Variants in GABRG3 observed in about 807,000 individuals in gnomAD.
The protein encoded by GABRG3 is gamma-aminobutyric acid type A receptor subunit gamma3.
In GABRG3, 25 loss-of-function variants were observed where a neutral mutation model predicts 48.8. The ratio of observed to expected loss-of-function variants is 0.51; its 90% CI spans 0.37 to 0.72. The LOEUF (loss-of-function observed/expected upper bound fraction) is 0.72, where lower values mean the gene tolerates loss of function less well. GABRG3 is among the 30% of genes least tolerant of loss of function. The probability of loss-of-function intolerance (pLI) is 0.00; values close to 1 mark genes in which losing one functional copy is unlikely to be tolerated. For missense variants in GABRG3, 394 were observed against 577.9 expected (o/e 0.68, Z 3.26); for synonymous variants, 227 against 217.6 (o/e 1.04, Z -0.38).
At position 27,328,104 on chromosome 15, in the gene GABRG3, AAAAC is replaced by A. The variant is rs1192355532; in HGVS notation, c.492-690_492-687del. ...TGCCAGGGAGGGAACAATTACAGCAAAAACAAACAAACAAAAAAAAAAACCAAAA... is the reference window on the plus strand; with the variant it reads ...TGCCAGGGAGGGAACAATTACAGCAAAAACAAACAAAAAAAAAAACCAAAA... On this transcript the variant is annotated intron_variant, in intron 4 of 9. Coordinates refer to ENST00000615808, the MANE Select transcript of GABRG3 (RefSeq NM_033223.5). Among the ~76,000 whole-genome samples, 28 of 150,066 alleles carry A rather than the reference AAAAC, an allele frequency of 1.9e-4. No homozygotes were observed. The East Asian group carries it at 4.7e-3, about 25-fold the overall frequency.
intron 5 of GABRG3, among the ~76,000 whole-genome samples, chr15:27,346,690 A>G (rs964438573): frequency 4.6e-5 from 7 of 151,636 alleles, no homozygotes; most frequent in African/African-American, 7.3e-5. Flanking sequence ...TTTATGCTCA[A>G]TGTTCTTTCC....
intron 3 of GABRG3, among the ~76,000 whole-genome samples, chr15:27,291,470 C>T (rs1308223095): frequency 6.6e-6 from 1 of 152,132 alleles, no homozygotes. Flanking sequence ...TATAATCATT[C>T]CCATCTATGA....
At chr15:27,064,342 C>T (rs890791699) in intron 3 of GABRG3, among the ~76,000 whole-genome samples, 3 of 152,150 alleles carry the variant, frequency 2.0e-5, no homozygotes, top group Admixed American at 6.5e-5. Context: ...CCTCCAGGCC[C>T]GGCGGTAAGG....
chr15:27,202,707 C>T (rs980951968), intron 3 of GABRG3, among the ~76,000 whole-genome samples: 3 of 152,072 alleles, frequency 2.0e-5, no homozygotes, highest in Admixed American at 2.0e-4. Flanking sequence ...GTTCATCTTT[C>T]GTGAATTGCC....
At chr15:26,994,319 G>T (rs1895301202) in intron 2 of GABRG3, among the ~76,000 whole-genome samples, 1 of 151,354 alleles carries the variant, frequency 6.6e-6, no homozygotes, top group South Asian at 2.1e-4. Context: ...GTTTTCTCTG[G>T]TGGTTTGCTT....
At chr15:27,308,864 GT>G (rs1325067343) in intron 3 of GABRG3, among the ~76,000 whole-genome samples, 50 of 150,108 alleles carry the variant, frequency 3.3e-4, no homozygotes, top group Admixed American at 2.0e-3. Context: ...AAACATATAT[GT>G]TTTTATAAAA....
At chr15:27,025,008 A>G (rs1219990958) in intron 2 of GABRG3, among the ~76,000 whole-genome samples, 1 of 146,164 alleles carries the variant, frequency 6.8e-6, no homozygotes, top group Non-Finnish European at 1.5e-5. Flanking sequence ...ATGGGAGACA[A>G]AGCAAGACCC....
At chr15:27,108,728 TC>T (rs1897493595) in intron 3 of GABRG3, among the ~76,000 whole-genome samples, 1 of 152,218 alleles carries the variant, frequency 6.6e-6, no homozygotes, top group Non-Finnish European at 1.5e-5. Flanking sequence ...TATCAGTTTT[TC>T]CTTCATTTAT....
At chr15:27,296,912 C>T (rs950172488) in intron 3 of GABRG3, among the ~76,000 whole-genome samples, 9 of 150,482 alleles carry the variant, frequency 6.0e-5, no homozygotes, top group African/African-American at 1.7e-4. Flanking sequence ...CAGAAGAAGG[C>T]GCTGTTATCG....
intron 3 of GABRG3, among the ~76,000 whole-genome samples, chr15:27,306,665 TTTATATATAAACATATATATGAACATG>T (rs1892497346): frequency 1.1e-5 from 1 of 91,782 alleles, no homozygotes; most frequent in Non-Finnish European, 2.3e-5. Flanking sequence ...TATGAACATG[TTTATATATAAACATATATATGAACATG>T]TTTATATATA....
intron 3 of GABRG3, among the ~76,000 whole-genome samples, chr15:27,303,641 C>T (rs1242309265): frequency 6.6e-6 from 1 of 151,418 alleles, no homozygotes; most frequent in Non-Finnish European, 1.5e-5. Context: ...ATCAACCTGA[C>T]ACCAAAATCT....
intron 3 of GABRG3, among the ~76,000 whole-genome samples, chr15:27,089,258 G>A (rs1298412700): frequency 6.6e-6 from 1 of 152,150 alleles, no homozygotes; most frequent in Non-Finnish European, 1.5e-5. Flanking sequence ...TCCACAGAGC[G>A]CGACATTCCC....
At chr15:27,519,491 A>G (rs1183084465) in intron 6 of GABRG3, among the ~76,000 whole-genome samples, 1 of 152,218 alleles carries the variant, frequency 6.6e-6, no homozygotes, top group Non-Finnish European at 1.5e-5. Flanking sequence ...CGAAGTTGAT[A>G]AGCAAAACTT....
chr15:27,064,126 G>T (rs1037085570), intron 3 of GABRG3, among the ~76,000 whole-genome samples: 25 of 152,222 alleles, frequency 1.6e-4, no homozygotes, highest in Admixed American at 1.2e-3. Flanking sequence ...CACGTAGTGG[G>T]GTGGCAGAGA....
intron 3 of GABRG3, among the ~76,000 whole-genome samples, chr15:27,034,317 A>G (rs1896138434): frequency 6.6e-6 from 1 of 152,142 alleles, no homozygotes; most frequent in Non-Finnish European, 1.5e-5. Flanking sequence ...TAATGCTCTC[A>G]TTTTATGTTG....
intron 7 of GABRG3, among the ~76,000 whole-genome samples, chr15:27,521,007 G>T (rs1891147692): frequency 6.6e-6 from 1 of 151,764 alleles, no homozygotes; most frequent in Non-Finnish European, 1.5e-5. Flanking sequence ...GAAAATACGT[G>T]GTAGAATTGT....
intron 5 of GABRG3, among the ~76,000 whole-genome samples, chr15:27,422,750 T>C (rs8031333): frequency 0.042 from 6,443 of 152,260 alleles, 449 homozygotes; most frequent in African/African-American, 0.15. Context: ...ATCAGTGACT[T>C]TAAAGAGAAG....
chr15:27,440,346 T>C (rs1224325299), intron 5 of GABRG3, among the ~76,000 whole-genome samples: 1 of 152,212 alleles, frequency 6.6e-6, no homozygotes, highest in Non-Finnish European at 1.5e-5. Context: ...CTGCGATTCA[T>C]GTGTATATAT....
chr15:27,026,623 A>G (rs930995846), intron 2 of GABRG3, 131 bp from the exon 3 acceptor site: 4 of 491,084 alleles, frequency 8.1e-6, no homozygotes, highest in Non-Finnish European at 1.4e-5. Flanking sequence ...AGAAGTCCCA[A>G]AGAAAGCCCT....
Sources: gnomAD v4.1 joint callset for allele counts (sites outside exome capture counted in the v4.1 genomes callset) on GRCh38, gnomAD v4.1.1 for gene constraint, MANE v1.5 for transcripts, NCBI Gene and HGNC (gene_info 2026-07-23, HGNC 2026-07-21) for gene names.